SBF2: variants seen among roughly 807,000 people sequenced by gnomAD.
SBF2 encodes SET binding factor 2, also known as myotubularin-related protein 13.
A neutral mutation model predicts 225.2 loss-of-function variants in SBF2; 112 were observed. The observed-to-expected ratio is 0.50, with a 90% CI of 0.43 to 0.58. The LOEUF is 0.58. Among genes scored for constraint, SBF2 ranks in the 20% least tolerant of loss-of-function variants. SBF2 has a pLI of 0.00. For missense variants in SBF2, 1,996 were observed against 2,206.2 expected (o/e 0.90, Z 1.91); for synonymous variants, 763 against 773.3 (o/e 0.99, Z 0.22).
chr11:10,030,150 A>G (rs1949201999), intron 4 of SBF2, among the ~76,000 whole-genome samples: 1 of 152,238 alleles, frequency 6.6e-6, no homozygotes, highest in Non-Finnish European at 1.5e-5. Context: ...GCAAATCTGT[A>G]GGGCTAATAC....
chr11:10,250,312 T>A (rs1960223068), intron 1 of SBF2, among the ~76,000 whole-genome samples: 1 of 152,222 alleles, frequency 6.6e-6, no homozygotes, highest in East Asian at 1.9e-4. Context: ...ACCTAAATTG[T>A]AGAAACAAGT....
chr11:10,279,751 G>C (rs1386559570), intron 1 of SBF2, among the ~76,000 whole-genome samples: 1 of 152,172 alleles, frequency 6.6e-6, no homozygotes, highest in Non-Finnish European at 1.5e-5. Flanking sequence ...CCGGGTTCAA[G>C]TGATTCTACT....
At chr11:10,111,510 A>C (rs1383481860) in intron 2 of SBF2, among the ~76,000 whole-genome samples, 1 of 152,266 alleles carries the variant, frequency 6.6e-6, no homozygotes, top group Admixed American at 6.5e-5. Context: ...TGTGTCAACA[A>C]CACTAGAGCC....
At chr11:9,950,258 A>G (rs1033990130) in intron 16 of SBF2, among the ~76,000 whole-genome samples, 12 of 152,304 alleles carry the variant, frequency 7.9e-5, no homozygotes, top group South Asian at 4.1e-4. Context: ...CTTTCCTGAC[A>G]AATGACTATA....
chr11:10,173,840 T>C (rs1253907425), intron 2 of SBF2, among the ~76,000 whole-genome samples: 2 of 151,102 alleles, frequency 1.3e-5, no homozygotes, highest in African/African-American at 4.9e-5. Context: ...CCTCCTCAAG[T>C]GGGTCCCTGA....
intron 2 of SBF2, among the ~76,000 whole-genome samples, chr11:10,158,251 C>T (rs776801935): frequency 1.3e-5 from 2 of 151,750 alleles, no homozygotes; most frequent in Non-Finnish European, 2.9e-5. Flanking sequence ...AGATCTCAAA[C>T]AAACAACTTC....
intron 16 of SBF2, among the ~76,000 whole-genome samples, chr11:9,953,077 T>C (rs920914432): frequency 6.6e-6 from 1 of 152,248 alleles, no homozygotes; most frequent in Non-Finnish European, 1.5e-5. Flanking sequence ...TGAATGTTTC[T>C]AGCAGCACAA....
intron 3 of SBF2, among the ~76,000 whole-genome samples, chr11:10,039,762 T>C (rs1264996715): frequency 3.3e-5 from 5 of 151,890 alleles, no homozygotes; most frequent in African/African-American, 9.7e-5. Context: ...AGGGAAGGAA[T>C]AAAATGATCC....
chr11:10,203,949 A>G (rs1445670243), intron 1 of SBF2, among the ~76,000 whole-genome samples: 7 of 152,046 alleles, frequency 4.6e-5, no homozygotes, highest in Admixed American at 3.9e-4. Context: ...GAATGGAGAT[A>G]TATCTGAAGT....
rs539118033 is a variant in SBF2 at position 10,232,299 on chromosome 11, G to A, written c.56-38312C>T. ...TGCTGCTTCAGCTCACGCTCGGTGC[G>A]CTGCACCCACTATCCTGCACCCACT... On this transcript the variant is annotated intron_variant, in intron 1 of 39. Coordinates refer to ENST00000256190, the MANE Select transcript of SBF2 (RefSeq NM_030962.4). 7.2e-5 allele frequency among the ~76,000 whole-genome samples: 11 copies of A among 152,256 alleles called. No homozygotes were observed. The East Asian group carries it at 9.7e-4, about 13-fold the overall frequency.
intron 16 of SBF2, among the ~76,000 whole-genome samples, chr11:9,900,044 T>TTTA (rs1445085946): frequency 1.4e-5 from 2 of 140,452 alleles, no homozygotes; most frequent in Non-Finnish European, 3.0e-5. Flanking sequence ...TTTTTTTTTT[T>TTTA]AAAAAAAAAA....
intron 32 of SBF2, 57 bp downstream of exon 32, chr11:9,807,943 G>A (rs1241319870): frequency 1.2e-5 from 18 of 1,459,394 alleles, no homozygotes; most frequent in African/African-American, 4.2e-5. Flanking sequence ...CTCCATCAAT[G>A]CTAGTATGTT....
At chr11:9,816,266 A>C (rs1018197700) in intron 29 of SBF2, among the ~76,000 whole-genome samples, 2 of 152,222 alleles carry the variant, frequency 1.3e-5, no homozygotes, top group Non-Finnish European at 2.9e-5. Context: ...CAGTAAGAAT[A>C]AAGTTGATTA....
At chr11:9,925,478 T>G (rs1936796262) in intron 16 of SBF2, among the ~76,000 whole-genome samples, 1 of 152,184 alleles carries the variant, frequency 6.6e-6, no homozygotes, top group Admixed American at 6.5e-5. Flanking sequence ...AGTTTCTCCA[T>G]GTTGGTCAGG....
intron 9 of SBF2, among the ~76,000 whole-genome samples, chr11:9,996,215 C>T (rs73406753): frequency 0.015 from 2,257 of 152,216 alleles, 36 homozygotes; most frequent in African/African-American, 0.039. Context: ...ATTCATATCA[C>T]TAGTAAGTAA....
chr11:9,925,482 G>A (rs1565011828), intron 16 of SBF2, among the ~76,000 whole-genome samples: 1 of 152,080 alleles, frequency 6.6e-6, no homozygotes, highest in Non-Finnish European at 1.5e-5. Context: ...TCTCCATGTT[G>A]GTCAGGCTGG....
intron 2 of SBF2, among the ~76,000 whole-genome samples, chr11:10,178,347 C>T (rs11523904): frequency 0.47 from 64,197 of 136,966 alleles, 16,259 homozygotes; most frequent in Non-Finnish European, 0.53. Context: ...ACAAATGGGA[C>T]CTCATTACAC....
intron 2 of SBF2, among the ~76,000 whole-genome samples, chr11:10,075,122 T>C (rs1384440521): frequency 6.6e-6 from 1 of 152,236 alleles, no homozygotes; most frequent in Non-Finnish European, 1.5e-5. Context: ...AGGCTAAAAC[T>C]TGATAATCTC....
In SBF2 at chr11:9,993,952, G is replaced by A. The variant is rs747543503; in HGVS notation, c.1022C>T (p.Pro341Leu). ...LEVADHAFPP[P>L]RTALSHSKML... ...TTTTGAGTGGGATAAAGCTGTTCGT[G>A]GAGGAGGAAAAGCATGATCTGCTAC... The change falls in exon 10 of 40, where the codon CCA becomes CTA. Residue 341 changes from proline to leucine, a missense_variant. Pro to Leu is a moderately conservative substitution (Grantham distance 98). Transcript: ENST00000256190. The A allele has an allele frequency of 4.0e-6, 5 of 1,250,818 alleles. No homozygotes were observed. In the South Asian group the frequency reaches 6.0e-5, roughly 15 times the overall value. 77.5% of individuals were successfully genotyped at this position (1,250,818 alleles called of 1,614,324 possible).
Sources: gnomAD v4.1 joint callset for allele counts (sites outside exome capture counted in the v4.1 genomes callset) on GRCh38, gnomAD v4.1.1 for gene constraint, MANE v1.5 for transcripts, NCBI Gene and HGNC (gene_info 2026-07-23, HGNC 2026-07-21) for gene names.